The following ITGA11 variants were observed in gnomAD, a reference collection of about 807,000 sequenced individuals.
ITGA11 encodes integrin alpha-11.
In ITGA11, 97 loss-of-function variants were observed where a neutral mutation model predicts 141.9. The ratio of observed to expected loss-of-function variants is 0.68; its 90% CI spans 0.58 to 0.81. The LOEUF (loss-of-function observed/expected upper bound fraction) is 0.81. Among genes scored for constraint, ITGA11 ranks in the 30% least tolerant of loss-of-function variants. ITGA11 has a pLI of 0.00. For synonymous variants in ITGA11, 658 were observed against 624.6 expected, an observed-to-expected ratio of 1.05 and a Z score of -0.80; for missense variants, 1,387 against 1,559.2, an observed-to-expected ratio of 0.89 and a Z score of 1.86.
chr15:68,335,830 G>A lies in ITGA11; in HGVS notation c.1292C>T (p.Ser431Leu), dbSNP rs763053303. 20 of 1,612,852 alleles carry A rather than the reference G, an allele frequency of 1.2e-5. No individual in the cohort carries two copies. The highest frequency in any genetic ancestry group is 2.2e-5 in the East Asian group (1 of 44,876). The change falls in exon 12 of 30, where the codon TCG becomes TTG. Residue 431 changes from serine to leucine, a missense_variant. By Grantham distance (145) the Ser-to-Leu change is moderately radical. Transcript: ENST00000315757. The surrounding 1 kb of genome is among the most constrained non-coding windows in gnomAD (Gnocchi z 4.9). ...HGAYLGYTVT[S>L]VVSSRQGRVY... is the part of the protein sequence containing the mutation. ...CCGCCCCTGCCTGGAGGACACGACC[G>A]ATGTGACTGTGTACCCTGCCACAGG...
At chr15:68,378,111 A>G (rs193009600) in intron 2 of ITGA11, among the ~76,000 whole-genome samples, 121 of 152,310 alleles carry the variant, frequency 7.9e-4, no homozygotes, top group Non-Finnish European at 1.3e-3. Context: ...ATGTCCCCCA[A>G]TTATTGAGAG....
chr15:68,366,244 C>A (rs1895417710), intron 3 of ITGA11, among the ~76,000 whole-genome samples: 1 of 152,094 alleles, frequency 6.6e-6, no homozygotes, highest in South Asian at 2.1e-4. Flanking sequence ...GCACACCTGC[C>A]CTTTCAGGAC....
At chr15:68,383,128 G>A (rs960350160) in intron 2 of ITGA11, among the ~76,000 whole-genome samples, 2 of 152,044 alleles carry the variant, frequency 1.3e-5, no homozygotes, top group East Asian at 1.9e-4. Flanking sequence ...AAGATTAGCC[G>A]GGCGTGGTGG....
At chr15:68,327,212 C>T (rs550837795) in intron 16 of ITGA11, among the ~76,000 whole-genome samples, 7 of 152,248 alleles carry the variant, frequency 4.6e-5, no homozygotes, top group African/African-American at 1.7e-4. Context: ...TGGGTACTTC[C>T]TCTCACACCA....
At position 68,313,823 on chromosome 15, in the gene ITGA11, G is replaced by A. The variant is rs757793046; in HGVS notation, c.2838C>T (p.Pro946=). 1.9e-6 allele frequency: 3 copies of A among 1,613,914 alleles called. No individual in the cohort carries two copies. The highest frequency in any genetic ancestry group is 2.5e-6 in the Non-Finnish European group (3 of 1,179,896). The change falls in exon 23 of 30, where the codon CCC becomes CCT. Residue 946 remains proline, a synonymous_variant. Transcript: ENST00000315757. ...RDSTKEDNVA[P]LRFHLKYEAD... ...CCTCGTATTTGAGGTGGAAGCGTAA[G>A]GGGGCCACGTTGTCTTCCTTGGTGC...
intron 2 of ITGA11, among the ~76,000 whole-genome samples, chr15:68,374,144 C>T (rs1281491230): frequency 6.6e-6 from 1 of 152,188 alleles, no homozygotes; most frequent in African/African-American, 2.4e-5. Context: ...ATTCATATCC[C>T]CTAGCTCATG....
intron 1 of ITGA11, among the ~76,000 whole-genome samples, chr15:68,418,170 C>T (rs1006385929): frequency 1.3e-5 from 2 of 152,180 alleles, no homozygotes; most frequent in African/African-American, 4.8e-5. Context: ...TCCCAAGAGC[C>T]AGAATCAGTG....
chr15:68,303,935 G>A lies in ITGA11; in HGVS notation c.3382-50C>T. On this transcript the variant is annotated intron_variant, in intron 28 of 29. Coordinates refer to ENST00000315757, the MANE Select transcript of ITGA11 (RefSeq NM_001004439.2). This position sits in a 1 kb window ranked among gnomAD's most constrained non-coding sequence, Gnocchi z 5.3. Reference sequence around the variant, plus strand: ...AACAGCATTACTCTTCTGGGGCTGGGGTGGCAGTCTGGGAGGGGCAGGAGG... The same window carrying A: ...AACAGCATTACTCTTCTGGGGCTGGAGTGGCAGTCTGGGAGGGGCAGGAGG... 1 of 1,302,572 alleles carries A rather than the reference G, an allele frequency of 7.7e-7. No individual in the cohort carries two copies. The highest frequency in any genetic ancestry group is 1.1e-6 in the Non-Finnish European group (1 of 903,366). The allele number at this position is 1,302,572 out of a possible 1,614,324, so 80.7% of individuals were successfully genotyped here.
intron 2 of ITGA11, among the ~76,000 whole-genome samples, chr15:68,381,061 C>T (rs2140376420): frequency 6.6e-6 from 1 of 152,280 alleles, no homozygotes; most frequent in East Asian, 1.9e-4. Flanking sequence ...CAGTGTAAGC[C>T]TGGAACGGAG....
intron 1 of ITGA11, among the ~76,000 whole-genome samples, chr15:68,427,299 C>G (rs1453617091): frequency 6.6e-6 from 1 of 152,194 alleles, no homozygotes; most frequent in Non-Finnish European, 1.5e-5. Context: ...AGACACTGTT[C>G]TCAGCACTTG....
rs547320981 is a variant in ITGA11 at position 68,366,055 on chromosome 15, G to GT, written c.266-1258dup. Among the ~76,000 whole-genome samples the GT allele has an allele frequency of 2.3e-3, 353 of 152,278 alleles. 1 individual carries two copies. The highest frequency in any genetic ancestry group is 7.3e-3 in the South Asian group (35 of 4,824). ...GAGGGTAGGGGCAGCTGTGTTTGTTGTTTTTTCCTTTTTGGTTTTCCTCAG... is the reference window on the plus strand; with the variant it reads ...GAGGGTAGGGGCAGCTGTGTTTGTTGTTTTTTTCCTTTTTGGTTTTCCTCAG... On this transcript the variant is annotated intron_variant, in intron 3 of 29. Transcript: ENST00000315757.
chr15:68,356,316 C>T (rs2140340099), intron 7 of ITGA11, among the ~76,000 whole-genome samples: 1 of 151,564 alleles, frequency 6.6e-6, no homozygotes, highest in East Asian at 1.9e-4. Flanking sequence ...GTTGCCCAGG[C>T]TGGTCTCGAA....
chr15:68,307,338 AG>A lies in ITGA11; in HGVS notation c.3381+9del, dbSNP rs1207577247. ...CTAAGCCCAGTTCTGCAGGGCTCCC[AG>A]GGGCTCACCTGGCGGCTGGGATCCT... On this transcript the variant is annotated intron_variant, in intron 28 of 29. Coordinates refer to ENST00000315757, the MANE Select transcript of ITGA11 (RefSeq NM_001004439.2). This position sits in a 1 kb window ranked among gnomAD's most constrained non-coding sequence, Gnocchi z 6.1. 5 of 1,549,670 alleles carry A rather than the reference AG, an allele frequency of 3.2e-6. No individual in the cohort carries two copies. In the Admixed American group the frequency reaches 9.7e-5, roughly 30 times the overall value.
At chr15:68,410,689 A>G (rs1041468841) in intron 1 of ITGA11, among the ~76,000 whole-genome samples, 16 of 152,226 alleles carry the variant, frequency 1.1e-4, no homozygotes, top group East Asian at 1.9e-4. Context: ...GCCCAAGGCC[A>G]TCATTTCAAA....
In ITGA11 at chr15:68,361,710, G is replaced by A. The variant is rs745571825; in HGVS notation, c.358-6C>T. The A allele has an allele frequency of 2.5e-6, 4 of 1,587,038 alleles. No individual in the cohort carries two copies. Among genetic ancestry groups the A allele is most frequent in the Non-Finnish European group, 3.4e-6 (4 of 1,163,426 alleles). ...GACCAGAGGGGGCTGCAGGCCTGGGGAGGGCAGTGCAGATCCCCAGTCAGT... is the reference window on the plus strand; with the variant it reads ...GACCAGAGGGGGCTGCAGGCCTGGGAAGGGCAGTGCAGATCCCCAGTCAGT... On this transcript the variant is annotated splice_polypyrimidine_tract_variant and splice_region_variant and intron_variant, in intron 4 of 29. Transcript: ENST00000315757.
intron 2 of ITGA11, among the ~76,000 whole-genome samples, chr15:68,401,328 C>T (rs375273424): frequency 1.3e-5 from 2 of 152,222 alleles, no homozygotes; most frequent in African/African-American, 4.8e-5. Flanking sequence ...AACATAACTA[C>T]CCTTTAACTC....
intron 2 of ITGA11, among the ~76,000 whole-genome samples, chr15:68,397,139 ATT>A (rs1896296361): frequency 0.018 from 25 of 1,354 alleles, 12 homozygotes; most frequent in Admixed American, 0.074. Context: ...ATAATAAATT[ATT>A]ATATATTAAT....
chr15:68,331,987 A>C lies in ITGA11; in HGVS notation c.1642T>G (p.Ser548Ala). The C allele has an allele frequency of 6.2e-7, 1 of 1,612,832 alleles. No homozygotes were observed. The highest frequency in any genetic ancestry group is 1.1e-5 in the South Asian group (1 of 90,686). Residue 548 changes from serine (S) to alanine (A), a missense_variant, in exon 14 of 30, where the codon TCA (serine) becomes GCA (alanine). Ser to Ala is a moderately conservative substitution (Grantham distance 99). Transcript: ENST00000315757. ...QNARFGSSIASVRDLNQDSYN... is the reference protein window; with the variant it reads ...QNARFGSSIAAVRDLNQDSYN... ...GAATCCTGGTTGAGGTCTCGAACTG[A>C]GGCAATGGAGGACCCAAATCGGGCA...
rs753626558 is a variant in ITGA11, at chr15:68,303,806, A to G, written c.3461T>C (p.Leu1154Pro). ...IIVGSTLGGLLLLALLVLALW... is the reference protein window; with the variant it reads ...IIVGSTLGGLPLLALLVLALW... Reference sequence around the variant, plus strand: ...TGCCAGGACCAGCAGGGCCAGCAGTAGGAGGCCCCCCAGGGTGCTGCCTAC... The same window carrying G: ...TGCCAGGACCAGCAGGGCCAGCAGTGGGAGGCCCCCCAGGGTGCTGCCTAC... The change falls in exon 29 of 30, where the codon CTA becomes CCA. Residue 1154 changes from leucine to proline, a missense_variant. Physicochemically the swap from Leu to Pro is moderately conservative, Grantham distance 98. Coordinates refer to ENST00000315757, the MANE Select transcript of ITGA11 (RefSeq NM_001004439.2). This position sits in a 1 kb window ranked among gnomAD's most constrained non-coding sequence, Gnocchi z 5.3. 1 of 1,612,656 alleles carries G rather than the reference A, an allele frequency of 6.2e-7. No homozygotes were observed. Among genetic ancestry groups the G allele is most frequent in the East Asian group, 2.2e-5 (1 of 44,784 alleles).
Sources: gnomAD v4.1 joint callset for allele counts (sites outside exome capture counted in the v4.1 genomes callset) on GRCh38, gnomAD v4.1.1 for gene constraint, Gnocchi (gnomAD v3.1) non-coding constraint, MANE v1.5 for transcripts, NCBI Gene and HGNC (gene_info 2026-07-23, HGNC 2026-07-21) for gene names.